The following TEX15 variants were observed in gnomAD, a reference collection of about 807,000 sequenced individuals.
TEX15 encodes testis-expressed protein 15.
TEX15 carries 171 observed loss-of-function variants against 237.3 expected under a neutral mutation model. The observed-to-expected ratio is 0.72, with a 90% CI of 0.64 to 0.82. TEX15 has a LOEUF of 0.82. Ranked by LOEUF, TEX15 falls within the 40% of genes least tolerant of loss-of-function variation. The pLI is 0.00. For missense variants in TEX15, 3,750 were observed against 3,646.5 expected (o/e 1.03, Z -0.73); for synonymous variants, 1,338 against 1,269.8 (o/e 1.05, Z -1.14).
chr8:30,896,604 G>C (rs1389344421), intron 2 of TEX15, among the ~76,000 whole-genome samples: 3 of 151,194 alleles, frequency 2.0e-5, no homozygotes, highest in Admixed American at 2.0e-4. Context: ...GTTGATATTT[G>C]TTTTACTTAA....
At chr8:30,874,775 G>A (rs1433564970) in intron 4 of TEX15, among the ~76,000 whole-genome samples, 162 bp downstream of exon 4, 1 of 152,016 alleles carries the variant, frequency 6.6e-6, no homozygotes, top group Non-Finnish European at 1.5e-5. Flanking sequence ...TCTCACACTT[G>A]GCTTTCAATG....
intron 5 of TEX15, among the ~76,000 whole-genome samples, chr8:30,861,394 A>G (rs551616774): frequency 5.8e-4 from 88 of 152,340 alleles, no homozygotes; most frequent in African/African-American, 2.1e-3. Flanking sequence ...AAATGATTTA[A>G]AAACTAAAAC....
At chr8:30,901,417 A>T (rs1412258109) in intron 1 of TEX15, among the ~76,000 whole-genome samples, 1 of 152,218 alleles carries the variant, frequency 6.6e-6, no homozygotes, top group Non-Finnish European at 1.5e-5. Context: ...AAAAGGCCTC[A>T]GTTTCATCTG....
intron 2 of TEX15, among the ~76,000 whole-genome samples, chr8:30,896,101 C>T (rs1224620958): frequency 6.6e-6 from 1 of 152,198 alleles, no homozygotes; most frequent in African/African-American, 2.4e-5. Context: ...TGGGAGAAGA[C>T]TGGAACATCT....
chr8:30,856,865 T>C (rs1807923215), intron 7 of TEX15, among the ~76,000 whole-genome samples: 1 of 151,834 alleles, frequency 6.6e-6, no homozygotes, highest in Non-Finnish European at 1.5e-5. Context: ...AATTAATATA[T>C]AGATTCCATC....
chr8:30,843,443 T>C lies in TEX15; in HGVS notation c.6724A>G (p.Ile2242Val). ...TTAACCTTTGAGGAGATCATTTCTA[T>C]GATAATCCACAGATGGTCCTGTTTT... ...PGKQDHLWII[I>V]EMISSKVNFI... The change falls in exon 8 of 11, where the codon ATA (isoleucine) becomes GTA (valine). Residue 2242 changes from isoleucine to valine, a missense_variant. Coordinates refer to ENST00000643185, the MANE Select transcript of TEX15 (RefSeq NM_001350162.2). 6.2e-7 allele frequency: 1 copy of C among 1,613,166 alleles called. No individual in the cohort carries two copies. Among genetic ancestry groups the C allele is most frequent in the Non-Finnish European group, 8.5e-7 (1 of 1,179,632 alleles).
Position 30,837,428 on chromosome 8 carries a change from G to C in TEX15, c.8856C>G (p.Asn2952Lys). ...IQNKIPTLQI[N>K]KLQPTETESE... ...ACTCAGTTTCTGTAGGCTGTAGTTTGTTTATCTGCAGAGTAGGAATTTTGT... is the reference window on the plus strand; with the variant it reads ...ACTCAGTTTCTGTAGGCTGTAGTTTCTTTATCTGCAGAGTAGGAATTTTGT... Residue 2952 changes from asparagine to lysine, a missense_variant, in exon 10 of 11, where the codon AAC becomes AAG. Asn to Lys is a moderately conservative substitution (Grantham distance 94). Coordinates refer to ENST00000643185, the MANE Select transcript of TEX15 (RefSeq NM_001350162.2). The C allele has an allele frequency of 6.2e-7, 1 of 1,614,132 alleles. No homozygotes were observed. Among genetic ancestry groups the C allele is most frequent in the South Asian group, 1.1e-5 (1 of 91,078 alleles).
chr8:30,905,249 G>T (rs1289365986), intron 1 of TEX15, among the ~76,000 whole-genome samples: 1 of 134,896 alleles, frequency 7.4e-6, no homozygotes, highest in Non-Finnish European at 1.6e-5. Context: ...ACCAACTGAA[G>T]ACTTAAAAAG....
At chr8:30,896,328 G>A (rs928400132) in intron 2 of TEX15, among the ~76,000 whole-genome samples, 9 of 152,150 alleles carry the variant, frequency 5.9e-5, no homozygotes, top group African/African-American at 1.9e-4. Flanking sequence ...TTATTAGGAC[G>A]TAGGCCATTT....
chr8:30,842,358 C>T lies in TEX15; in HGVS notation c.7809G>A (p.Arg2603=). The change falls in exon 8 of 11, where the codon AGG becomes AGA. Residue 2603 remains arginine (R), a synonymous_variant. Coordinates refer to ENST00000643185, the MANE Select transcript of TEX15 (RefSeq NM_001350162.2). ...TGTGGGCCATTTTTCCTAAATCTTT[C>T]CTAGGGGCAGACATTACATTCTTCA... ...TLLKNVMSAP[R]KDLGKMAHIR... is the part of the protein sequence containing the mutation. 2 of 1,613,738 alleles carry T rather than the reference C, an allele frequency of 1.2e-6. No homozygotes were observed. The highest frequency in any genetic ancestry group is 1.3e-5 in the African/African-American group (1 of 74,996).
Position 30,842,471 on chromosome 8 carries a change from T to C in TEX15, c.7696A>G (p.Ile2566Val), listed in dbSNP as rs1368762976. ...KKSKYFISTYIDFVPYIASIN... is the reference protein window; with the variant it reads ...KKSKYFISTYVDFVPYIASIN... ...GATGCTATATATGGCACAAAGTCAA[T>C]ATATGTGGAAATAAAATACTTGGAC... Residue 2566 changes from isoleucine (I) to valine (V), a missense_variant, in exon 8 of 11, where the codon ATT (isoleucine) becomes GTT (valine). Transcript: ENST00000643185. 1 of 1,613,350 alleles carries C rather than the reference T, an allele frequency of 6.2e-7. No individual in the cohort carries two copies. Among genetic ancestry groups the C allele is most frequent in the Non-Finnish European group, 8.5e-7 (1 of 1,179,802 alleles).
At position 30,848,779 on chromosome 8, in the gene TEX15, T is replaced by C; in HGVS notation, c.1388A>G (p.Asp463Gly). 2.5e-6 allele frequency: 4 copies of C among 1,614,178 alleles called. No homozygotes were observed. Among genetic ancestry groups the C allele is most frequent in the Middle Eastern group, 1.6e-4 (1 of 6,062 alleles). The change falls in exon 8 of 11, where the codon GAT becomes GGT. Residue 463 changes from aspartate to glycine, a missense_variant. Physicochemically the swap from Asp to Gly is moderately conservative, Grantham distance 94 (BLOSUM62 -1). Transcript: ENST00000643185. ...CGATTTTATTTCTGAATTAACATTA[T>C]CTGAACTCTTCTCAAATTGCAAAAC... The part of the protein sequence containing the change: ...NEVLQFEKSS[D>G]NVNSEIKSTP...
At chr8:30,860,134 A>C in intron 5 of TEX15, 77 bp from the exon 6 acceptor site, 1 of 1,232,598 alleles carries the variant, frequency 8.1e-7, no homozygotes, top group Non-Finnish European at 1.1e-6. Context: ...TTCAAACATA[A>C]AAGGCTAACA....
intron 4 of TEX15, among the ~76,000 whole-genome samples, chr8:30,873,430 T>A (rs899531761): frequency 1.3e-5 from 2 of 152,140 alleles, no homozygotes; most frequent in Non-Finnish European, 2.9e-5. Context: ...GTCAAGGCAC[T>A]CTAATATGCT....
At chr8:30,835,390 T>A (rs1224525486) in intron 10 of TEX15, among the ~76,000 whole-genome samples, 2 of 152,006 alleles carry the variant, frequency 1.3e-5, no homozygotes, top group African/African-American at 4.8e-5. Flanking sequence ...AAATTAAAAA[T>A]AATAAAAATA....
rs1807221073 is a variant in TEX15 at position 30,833,307 on chromosome 8, T to A, written c.9498A>T (p.Glu3166Asp). ...VPWVYAPWHQ[E>D]SFHPGH The stretch of plus-strand genomic sequence containing the variant: ...ATTTTCAGTGTCCTGGATGAAAGGA[T>A]TCTTGGTGCCATGGAGCTGGAAGAA... Residue 3166 changes from glutamate (E) to aspartate (D), a missense_variant, in exon 11 of 11, where the codon GAA becomes GAT. By Grantham distance (45) the Glu-to-Asp change is conservative. Transcript: ENST00000643185. 6.3e-7 allele frequency: 1 copy of A among 1,597,594 alleles called. No homozygotes were observed.
At chr8:30,869,585 T>C (rs904630026) in intron 4 of TEX15, among the ~76,000 whole-genome samples, 2 of 152,000 alleles carry the variant, frequency 1.3e-5, no homozygotes, top group African/African-American at 2.4e-5. Flanking sequence ...CAACTGTGCA[T>C]GCCCAAGGAC....
intron 1 of TEX15, among the ~76,000 whole-genome samples, chr8:30,910,777 C>T (rs2128780692): frequency 6.6e-6 from 1 of 151,892 alleles, no homozygotes; most frequent in South Asian, 2.1e-4. Context: ...AGAAAACATA[C>T]ATGGGTTTTG....
chr8:30,886,947 AT>A (rs1309474597), intron 3 of TEX15: 3 of 387,066 alleles, frequency 7.8e-6, no homozygotes, highest in Non-Finnish European at 1.3e-5. Context: ...TATTTGTTTC[AT>A]AAAAATGTCC....
Sources: gnomAD v4.1 joint callset for allele counts (sites outside exome capture counted in the v4.1 genomes callset) on GRCh38, gnomAD v4.1.1 for gene constraint, MANE v1.5 for transcripts, NCBI Gene and HGNC (gene_info 2026-07-23, HGNC 2026-07-21) for gene names.